KLF12: variants seen among roughly 807,000 people sequenced by gnomAD.
KLF12 encodes the protein KLF transcription factor 12, also known as Krueppel-like factor 12.
In KLF12, 9 loss-of-function variants were observed where a neutral mutation model predicts 37.8. That is an observed-to-expected ratio of 0.24 (90% CI 0.14 to 0.42). The LOEUF is 0.42. Ranked by LOEUF, KLF12 falls within the 10% of genes least tolerant of loss-of-function variation. The pLI is 1.00. For missense variants in KLF12, 411 were observed against 516.0 expected, an observed-to-expected ratio of 0.80 and a Z score of 1.97; for synonymous variants, 208 against 202.1, an observed-to-expected ratio of 1.03 and a Z score of -0.25.
the KLF12 span, among the ~76,000 whole-genome samples, chr13:74,200,671 A>G: frequency 6.6e-6 from 1 of 152,126 alleles, no homozygotes; most frequent in Non-Finnish European, 1.5e-5. Context: ...CAAACTGGAC[A>G]TAGAGATCAT....
intron 3 of KLF12, among the ~76,000 whole-genome samples, chr13:73,888,640 G>A (rs576114230): frequency 0.012 from 1,816 of 152,156 alleles, 30 homozygotes; most frequent in African/African-American, 0.04. Context: ...ATAAGAAAAA[G>A]ATATATGCAC....
Position 73,892,817 on chromosome 13 carries a change from T to C in KLF12, c.124-46444A>G, listed in dbSNP as rs571854051. 1.0e-3 allele frequency among the ~76,000 whole-genome samples: 159 copies of C among 152,328 alleles called. 1 individual carries two copies. Among genetic ancestry groups the C allele is most frequent in the Non-Finnish European group, 1.4e-3 (95 of 68,032 alleles). On this transcript the variant is annotated intron_variant, in intron 3 of 7. Coordinates refer to ENST00000377669, the MANE Select transcript of KLF12 (RefSeq NM_007249.5). ...GCACAGACCACTGTCTCAGTTACAA[T>C]AAACCATTTACTTTGCTTATATTTG...
chr13:74,028,681 T>A (rs1242770315), intron 1 of KLF12, among the ~76,000 whole-genome samples: 1 of 152,056 alleles, frequency 6.6e-6, no homozygotes, highest in African/African-American at 2.4e-5. Flanking sequence ...ATGGCTCTTA[T>A]GAGGAAAATG....
At chr13:74,233,707 A>G in the KLF12 span, among the ~76,000 whole-genome samples, 1 of 152,230 alleles carries the variant, frequency 6.6e-6, no homozygotes, top group East Asian at 1.9e-4. Context: ...TTAGAATTAA[A>G]GAGCAGAGGG....
Position 73,810,231 on chromosome 13 carries a change from C to T in KLF12, c.806+2921G>A, listed in dbSNP as rs142512469. On this transcript the variant is annotated intron_variant, in intron 5 of 7. Transcript: ENST00000377669. Reference sequence around the variant, plus strand: ...CTGCACTCCAGCATGGGTGACAGAGCGAGACGCCATCTCAAAAAAAAAAGC... The same window carrying T: ...CTGCACTCCAGCATGGGTGACAGAGTGAGACGCCATCTCAAAAAAAAAAGC... Among the ~76,000 whole-genome samples, 969 of 151,456 alleles carry T rather than the reference C, an allele frequency of 6.4e-3. 7 individuals carry two copies. Among genetic ancestry groups the T allele is most frequent in the Non-Finnish European group, 0.012 (794 of 67,876 alleles).
At chr13:73,764,596 G>A (rs942695853) in intron 6 of KLF12, among the ~76,000 whole-genome samples, 12 of 152,172 alleles carry the variant, frequency 7.9e-5, no homozygotes, top group African/African-American at 2.9e-4. Flanking sequence ...TCTTCATGAG[G>A]AGTTGAAGTT....
intron 7 of KLF12, among the ~76,000 whole-genome samples, chr13:73,697,468 G>A (rs1874230729): frequency 1.3e-5 from 2 of 152,288 alleles, no homozygotes; most frequent in South Asian, 4.1e-4. Context: ...ATTTGCATGT[G>A]TCTACTGACC....
intron 4 of KLF12, among the ~76,000 whole-genome samples, chr13:73,837,111 A>C (rs1047507248): frequency 9.3e-5 from 14 of 151,330 alleles, no homozygotes; most frequent in Non-Finnish European, 1.8e-4. Flanking sequence ...CGTCCTGGGT[A>C]TCCATACCTT....
At chr13:74,127,269 A>T (rs1877993693) in intron 1 of KLF12, among the ~76,000 whole-genome samples, 1 of 152,238 alleles carries the variant, frequency 6.6e-6, no homozygotes, top group African/African-American at 2.4e-5. Context: ...TTTTTGCAAG[A>T]AGACATAAAA....
chr13:74,289,906 A>T, the KLF12 span, among the ~76,000 whole-genome samples: 1 of 152,168 alleles, frequency 6.6e-6, no homozygotes, highest in African/African-American at 2.4e-5. Context: ...ATAAGTTAAA[A>T]CAAAATCCTA....
intron 6 of KLF12, among the ~76,000 whole-genome samples, chr13:73,733,368 C>T (rs1457132421): frequency 1.3e-5 from 2 of 152,084 alleles, no homozygotes; most frequent in East Asian, 1.9e-4. Context: ...ATGAATTTGC[C>T]TACTTTAGGT....
At position 73,687,504 on chromosome 13, in the gene KLF12, G is replaced by T. The variant is rs1873562998; in HGVS notation, c.*7986C>A. The T allele has an allele frequency of 6.6e-6, 1 of 152,070 alleles. No homozygotes were observed. Among genetic ancestry groups the T allele is most frequent in the African/African-American group, 2.4e-5 (1 of 41,420 alleles). 9.4% of individuals were successfully genotyped at this position (152,070 alleles called of 1,614,324 possible). On this transcript the variant is annotated 3_prime_UTR_variant, in exon 8 of 8. Transcript: ENST00000377669. ...ACAAAATATACACTATATTCTGGATGTAATTACAAAATTCTGCCATGGGAA... is the reference window on the plus strand; with the variant it reads ...ACAAAATATACACTATATTCTGGATTTAATTACAAAATTCTGCCATGGGAA...
At chr13:74,067,153 C>T (rs1873964988) in intron 1 of KLF12, among the ~76,000 whole-genome samples, 1 of 152,136 alleles carries the variant, frequency 6.6e-6, no homozygotes, top group South Asian at 2.1e-4. Context: ...TTTGAACAAC[C>T]TTGCAAAGTA....
At chr13:73,822,955 A>T (rs1374976306) in intron 4 of KLF12, among the ~76,000 whole-genome samples, 2 of 152,228 alleles carry the variant, frequency 1.3e-5, no homozygotes, top group Non-Finnish European at 2.9e-5. Context: ...AAACCGATTT[A>T]TTCAAAACTG....
chr13:73,849,851 T>C lies in KLF12; in HGVS notation c.124-3478A>G, dbSNP rs116451171. On this transcript the variant is annotated intron_variant, in intron 3 of 7. Coordinates refer to ENST00000377669, the MANE Select transcript of KLF12 (RefSeq NM_007249.5). The stretch of plus-strand genomic sequence containing the variant: ...CATCATGATCTTTGCCTGGGAGTGG[T>C]GACTATAGCTGAATTTTTGCTGTTG... Among the ~76,000 whole-genome samples, 575 of 152,290 alleles carry C rather than the reference T, an allele frequency of 3.8e-3. 5 individuals carry two copies. Among genetic ancestry groups the C allele is most frequent in the African/African-American group, 0.013 (551 of 41,574 alleles).
the KLF12 span, among the ~76,000 whole-genome samples, chr13:74,278,810 C>G: frequency 6.6e-6 from 1 of 152,284 alleles, no homozygotes; most frequent in East Asian, 1.9e-4. Context: ...TAGTTTCAGG[C>G]CTCAGCCAAA....
At chr13:74,020,662 G>C (rs980354143) in intron 1 of KLF12, among the ~76,000 whole-genome samples, 5 of 152,030 alleles carry the variant, frequency 3.3e-5, no homozygotes, top group East Asian at 3.9e-4. Context: ...AGGCCGAGGC[G>C]GGTGGATCAC....
intron 7 of KLF12, among the ~76,000 whole-genome samples, chr13:73,711,586 T>C (rs1391088753): frequency 6.6e-6 from 1 of 152,154 alleles, no homozygotes; most frequent in African/African-American, 2.4e-5. Context: ...TACTGAATGT[T>C]TTAAGCCCAC....
intron 3 of KLF12, among the ~76,000 whole-genome samples, chr13:73,901,517 C>T (rs1888038566): frequency 6.6e-6 from 1 of 151,958 alleles, no homozygotes; most frequent in South Asian, 2.1e-4. Flanking sequence ...TATATATTAG[C>T]CCAAATTATA....
Sources: allele counts gnomAD v4.1 joint callset (sites outside exome capture counted in the v4.1 genomes callset), GRCh38; gene constraint gnomAD v4.1.1; transcripts MANE v1.5; gene names NCBI Gene and HGNC (gene_info 2026-07-23, HGNC 2026-07-21).